RIMS1: variants seen among roughly 807,000 people sequenced by gnomAD.
The protein encoded by RIMS1 is regulating synaptic membrane exocytosis 1.
A neutral mutation model predicts 214.1 loss-of-function variants in RIMS1; 83 were observed. That is an observed-to-expected ratio of 0.39 (90% confidence interval 0.32 to 0.47). The LOEUF is 0.47. RIMS1 is among the 20% of genes least tolerant of loss of function. The probability of loss-of-function intolerance (pLI) is 0.99; values close to 1 mark genes in which losing one functional copy is unlikely to be tolerated. For synonymous variants in RIMS1, 793 were observed against 786.8 expected (o/e 1.01, Z -0.13); for missense variants, 2,050 against 2,161.8 (o/e 0.95, Z 1.03).
chr6:72,338,277 A>G (rs1432377000), intron 29 of RIMS1, among the ~76,000 whole-genome samples: 2 of 151,764 alleles, frequency 1.3e-5, no homozygotes, highest in African/African-American at 2.4e-5. Context: ...TTTAATGATC[A>G]CCATTTTAAC....
chr6:72,212,991 G>T (rs1486606267), intron 6 of RIMS1: 3 of 1,433,974 alleles, frequency 2.1e-6, no homozygotes, highest in African/African-American at 1.4e-5. Context: ...TGGTCCTGTT[G>T]TTCAATGATA....
rs985925321 is a variant in RIMS1, at chr6:72,293,093, G to A, written c.3850+1047G>A. ...TTCAAAGACTGATGTGGCATAGATT[G>A]CCATGCAGAATACTTGATTATGGAA... is the stretch of plus-strand genomic sequence containing the variant. On this transcript the variant is annotated intron_variant, in intron 26 of 33. Transcript: ENST00000521978. 2.7e-4 allele frequency among the ~76,000 whole-genome samples: 41 copies of A among 151,960 alleles called. 1 individual carries two copies. Among genetic ancestry groups the A allele is most frequent in the Admixed American group, 2.3e-3 (35 of 15,224 alleles).
At chr6:72,290,314 A>G (rs983722412) in intron 24 of RIMS1, among the ~76,000 whole-genome samples, 1 of 152,206 alleles carries the variant, frequency 6.6e-6, no homozygotes, top group Non-Finnish European at 1.5e-5. Context: ...CATTCAAGCA[A>G]CATACCTTTA....
At chr6:72,025,399 G>A (rs1012266264) in intron 2 of RIMS1, among the ~76,000 whole-genome samples, 1 of 152,138 alleles carries the variant, frequency 6.6e-6, no homozygotes, top group Non-Finnish European at 1.5e-5. Flanking sequence ...TTAAAAACAG[G>A]TTAATCTACT....
chr6:72,109,657 T>C (rs2035603572), intron 4 of RIMS1, among the ~76,000 whole-genome samples: 1 of 152,212 alleles, frequency 6.6e-6, no homozygotes, highest in Admixed American at 6.5e-5. Flanking sequence ...AGGTTGCCTG[T>C]TCACTCTGAT....
chr6:72,213,939 A>C (rs1414533350), intron 6 of RIMS1, among the ~76,000 whole-genome samples: 1 of 152,244 alleles, frequency 6.6e-6, no homozygotes, highest in African/African-American at 2.4e-5. Flanking sequence ...AGAAGGATAT[A>C]TATAGCTCAA....
chr6:71,995,454 G>A (rs1411021899), intron 2 of RIMS1, among the ~76,000 whole-genome samples: 2 of 133,502 alleles, frequency 1.5e-5, no homozygotes, highest in African/African-American at 6.5e-5. Flanking sequence ...AATATGACGT[G>A]TGTGTGTGTG....
chr6:72,173,312 T>A (rs371240800), intron 4 of RIMS1, among the ~76,000 whole-genome samples: 1 of 152,122 alleles, frequency 6.6e-6, no homozygotes, highest in Admixed American at 6.5e-5. Context: ...ATTTTTATCT[T>A]GGTGGTTTCT....
chr6:71,930,646 G>A (rs775414091), intron 1 of RIMS1, among the ~76,000 whole-genome samples: 15 of 151,850 alleles, frequency 9.9e-5, no homozygotes, highest in Non-Finnish European at 1.8e-4. Flanking sequence ...TGAGTGAATC[G>A]GGTCCAAGTA....
intron 16 of RIMS1, among the ~76,000 whole-genome samples, chr6:72,253,219 G>A (rs1279381663): frequency 1.3e-5 from 2 of 152,030 alleles, no homozygotes; most frequent in Non-Finnish European, 2.9e-5. Flanking sequence ...AAATAATGTA[G>A]CCCTCCATGG....
intron 6 of RIMS1, among the ~76,000 whole-genome samples, chr6:72,205,539 A>G (rs1385723502): frequency 2.6e-5 from 4 of 152,152 alleles, no homozygotes; most frequent in Non-Finnish European, 5.9e-5. Context: ...GGGAACTAGA[A>G]TAGTGATTAG....
chr6:72,247,071 G>T (rs894219404), intron 11 of RIMS1, among the ~76,000 whole-genome samples: 1 of 152,100 alleles, frequency 6.6e-6, no homozygotes, highest in African/African-American at 2.4e-5. Context: ...TTGAATGGTG[G>T]TGAGTTCAAG....
At chr6:72,072,409 A>C (rs1427276248) in intron 2 of RIMS1, among the ~76,000 whole-genome samples, 1 of 152,194 alleles carries the variant, frequency 6.6e-6, no homozygotes, top group African/African-American at 2.4e-5. Flanking sequence ...TAGTCATTCA[A>C]AGAAAGTGGG....
intron 4 of RIMS1, among the ~76,000 whole-genome samples, chr6:72,139,280 G>A (rs957731370): frequency 1.1e-4 from 16 of 152,052 alleles, no homozygotes; most frequent in African/African-American, 3.1e-4. Flanking sequence ...TCACACACTG[G>A]TTACTTTGCT....
At chr6:72,393,416 C>CA (rs1392301944) in intron 31 of RIMS1, among the ~76,000 whole-genome samples, 4 of 152,142 alleles carry the variant, frequency 2.6e-5, no homozygotes, top group African/African-American at 7.2e-5. Flanking sequence ...AATAATTTTA[C>CA]AAAAAAACTA....
At chr6:72,097,274 C>G (rs140403403) in intron 3 of RIMS1, 112 bp downstream of exon 3, 18 of 923,832 alleles carry the variant, frequency 1.9e-5, no homozygotes, top group Non-Finnish European at 3.1e-5. Flanking sequence ...TAAACATACA[C>G]GTTAAAATGA....
intron 6 of RIMS1, among the ~76,000 whole-genome samples, chr6:72,195,294 G>C (rs1334235156): frequency 1.3e-5 from 2 of 152,202 alleles, no homozygotes; most frequent in African/African-American, 4.8e-5. Flanking sequence ...ACAGTGCTTT[G>C]TGAATGGCTT....
chr6:72,293,412 C>G (rs549729734), intron 26 of RIMS1, among the ~76,000 whole-genome samples: 1 of 151,908 alleles, frequency 6.6e-6, no homozygotes, highest in African/African-American at 2.4e-5. Flanking sequence ...CTGGCAATAA[C>G]CCAGATGAAA....
chr6:72,375,548 C>G (rs1429186989), intron 29 of RIMS1, among the ~76,000 whole-genome samples: 1 of 152,166 alleles, frequency 6.6e-6, no homozygotes, highest in Non-Finnish European at 1.5e-5. Flanking sequence ...AAATAAGCCT[C>G]CAATTATGAT....
Sources: allele counts gnomAD v4.1 joint callset (sites outside exome capture counted in the v4.1 genomes callset), GRCh38; gene constraint gnomAD v4.1.1; transcripts MANE v1.5; gene names NCBI Gene and HGNC (gene_info 2026-07-23, HGNC 2026-07-21).